Variants in WWP1 observed in about 807,000 individuals in gnomAD.
WWP1 encodes the protein NEDD4-like E3 ubiquitin-protein ligase WWP1.
WWP1 carries 49 observed loss-of-function variants against 130.6 expected under a neutral mutation model. The observed-to-expected ratio is 0.38, with a 90% CI of 0.30 to 0.48. WWP1 has a LOEUF of 0.48. WWP1 is among the 20% of genes least tolerant of loss of function. The pLI is 0.99. For missense variants in WWP1, 809 were observed against 1,100.6 expected, an observed-to-expected ratio of 0.74 and a Z score of 3.75; for synonymous variants, 332 against 367.8, an observed-to-expected ratio of 0.90 and a Z score of 1.11.
chr8:86,380,899 C>G (rs1248884859), intron 4 of WWP1, 35 bp downstream of exon 4: 3 of 1,541,050 alleles, frequency 1.9e-6, no homozygotes, highest in South Asian at 1.3e-5. Flanking sequence ...AAAATCTTCA[C>G]AAGAAAGTGT....
At chr8:86,465,923 T>C (rs1436457153) in intron 24 of WWP1, among the ~76,000 whole-genome samples, 4 of 152,172 alleles carry the variant, frequency 2.6e-5, no homozygotes, top group Non-Finnish European at 5.9e-5. Flanking sequence ...GGCTCTTTCC[T>C]GACTCTGACA....
intron 9 of WWP1, among the ~76,000 whole-genome samples, chr8:86,420,960 C>A (rs983267401): frequency 2.0e-5 from 3 of 152,092 alleles, no homozygotes; most frequent in African/African-American, 7.2e-5. Flanking sequence ...CTAAAAATAG[C>A]AAAAGTGAAA....
intron 10 of WWP1, among the ~76,000 whole-genome samples, chr8:86,426,965 A>G (rs1277285543): frequency 6.6e-6 from 1 of 152,088 alleles, no homozygotes; most frequent in Non-Finnish European, 1.5e-5. Flanking sequence ...GTTCGAGACC[A>G]TCCTGGCCAA....
chr8:86,411,457 G>C, intron 8 of WWP1, 81 bp from the exon 9 acceptor site: 1 of 1,278,448 alleles, frequency 7.8e-7, no homozygotes, highest in South Asian at 1.4e-5. Flanking sequence ...ATTAGGCTCT[G>C]AATAAGTGTA....
chr8:86,461,313 G>C lies in WWP1; in HGVS notation c.2589G>C (p.Glu863Asp). ...TCRLPLGGFAELMGSNGPQKF... is the reference protein window; with the variant it reads ...TCRLPLGGFADLMGSNGPQKF... The stretch of plus-strand genomic sequence containing the variant: ...GTTTACCTCTAGGAGGATTTGCTGA[G>C]CTCATGGGTAAATGTAATTTCACTG... Residue 863 changes from glutamate (E) to aspartate (D), a missense_variant, in exon 23 of 25, where the codon GAG becomes GAC. Physicochemically the swap from Glu to Asp is conservative, Grantham distance 45. Transcript: ENST00000517970. 6.2e-7 allele frequency: 1 copy of C among 1,613,542 alleles called. No homozygotes were observed.
intron 1 of WWP1, among the ~76,000 whole-genome samples, chr8:86,364,461 T>TGA (rs1224565480): frequency 6.6e-6 from 1 of 152,326 alleles, no homozygotes; most frequent in East Asian, 1.9e-4. Flanking sequence ...TACATGTTAA[T>TGA]GAGAGGTAAA....
At chr8:86,443,190 A>T (rs777463226) in intron 18 of WWP1, among the ~76,000 whole-genome samples, 4 of 152,168 alleles carry the variant, frequency 2.6e-5, no homozygotes, top group Non-Finnish European at 5.9e-5. Context: ...CTCCCACCTC[A>T]GCCTCCCAAG....
In WWP1 at chr8:86,448,418, T is replaced by A. The variant is rs1810998887; in HGVS notation, c.2178T>A (p.Val726=). ...GTGGCTTAGAAATGTACTTTTCTGTTGACATGGAGATTTTGGGAAAAGTTA... is the reference window on the plus strand; with the variant it reads ...GTGGCTTAGAAATGTACTTTTCTGTAGACATGGAGATTTTGGGAAAAGTTA... ...EECGLEMYFS[V]DMEILGKVTS... The change falls in exon 20 of 25, where the codon GTT becomes GTA. Residue 726 remains valine, a synonymous_variant. Transcript: ENST00000517970. The A allele has an allele frequency of 1.9e-6, 3 of 1,613,698 alleles. No homozygotes were observed. Among genetic ancestry groups the A allele is most frequent in the Non-Finnish European group, 2.5e-6 (3 of 1,179,886 alleles).
chr8:86,435,530 A>G lies in WWP1; in HGVS notation c.1677+3A>G, dbSNP rs1256339785. On this transcript the variant is annotated splice_donor_region_variant and intron_variant, in intron 15 of 24. Transcript: ENST00000517970. ...CTCACTTCCGTTATTTGTGCCAGGTACTATAGTGGTAAATAAATCTTATAC... is the reference window on the plus strand; with the variant it reads ...CTCACTTCCGTTATTTGTGCCAGGTGCTATAGTGGTAAATAAATCTTATAC... 6.2e-7 allele frequency: 1 copy of G among 1,614,108 alleles called. No individual in the cohort carries two copies.
intron 5 of WWP1, among the ~76,000 whole-genome samples, chr8:86,383,099 C>A (rs1379375002): frequency 1.3e-5 from 2 of 151,812 alleles, no homozygotes. Flanking sequence ...TTAGTATAAA[C>A]CATAATAATT....
At chr8:86,378,315 A>C (rs1374802694) in intron 3 of WWP1, among the ~76,000 whole-genome samples, 1 of 152,138 alleles carries the variant, frequency 6.6e-6, no homozygotes, top group Non-Finnish European at 1.5e-5. Flanking sequence ...CAAATCTAGG[A>C]ATATATCATA....
In WWP1 at chr8:86,461,831, C is replaced by T. The variant is rs1811783035; in HGVS notation, c.2654C>T (p.Pro885Leu). 2 of 1,613,480 alleles carry T rather than the reference C, an allele frequency of 1.2e-6. No individual in the cohort carries two copies. The highest frequency in any genetic ancestry group is 2.2e-5 in the East Asian group (1 of 44,826). The stretch of plus-strand genomic sequence containing the variant: ...AAAGTTGGCAAAGACACTTGGTTAC[C>T]AAGAAGCCATACATGGTAAGTTCAA... ...IEKVGKDTWLPRSHTCFNRLD... is the reference protein window; with the variant it reads ...IEKVGKDTWLLRSHTCFNRLD... Residue 885 changes from proline to leucine, a missense_variant, in exon 24 of 25, where the codon CCA becomes CTA. Pro to Leu is a moderately conservative substitution (Grantham distance 98, BLOSUM62 -3). Coordinates refer to ENST00000517970, the MANE Select transcript of WWP1 (RefSeq NM_007013.4).
intron 9 of WWP1, among the ~76,000 whole-genome samples, chr8:86,414,422 G>A (rs1808763292): frequency 6.6e-6 from 1 of 152,138 alleles, no homozygotes; most frequent in Admixed American, 6.5e-5. Flanking sequence ...AATATTTTAG[G>A]TTGACATAAG....
At position 86,411,803 on chromosome 8, in the gene WWP1, A is replaced by G; in HGVS notation, c.990A>G (p.Arg330=). 2 of 1,614,168 alleles carry G rather than the reference A, an allele frequency of 1.2e-6. No homozygotes were observed. Among genetic ancestry groups the G allele is most frequent in the Non-Finnish European group, 1.7e-6 (2 of 1,180,034 alleles). The stretch of plus-strand genomic sequence containing the variant: ...CTGCTTTTGAAGCAGCCAAATCAAG[A>G]CAGCCAGATGGGTGTATGGATCCTG... The part of the protein sequence containing the change: ...SSSAFEAAKS[R]QPDGCMDPVR... The change falls in exon 9 of 25, where the codon AGA becomes AGG. Residue 330 remains arginine, a synonymous_variant. Transcript: ENST00000517970.
intron 16 of WWP1, among the ~76,000 whole-genome samples, chr8:86,437,561 C>T (rs1272620328): frequency 6.6e-6 from 1 of 152,088 alleles, no homozygotes; most frequent in Non-Finnish European, 1.5e-5. Flanking sequence ...TTGTCATTAA[C>T]CCAAAATAGA....
intron 1 of WWP1, among the ~76,000 whole-genome samples, chr8:86,364,835 G>GAAAGAA (rs763835535): frequency 9.3e-6 from 1 of 107,334 alleles, no homozygotes; most frequent in Non-Finnish European, 2.2e-5. Context: ...AAGAAAGAAA[G>GAAAGAA]AGAGAGAGAG....
At chr8:86,362,017 T>TACACATATATATACAC (rs1563465268) in intron 1 of WWP1, among the ~76,000 whole-genome samples, 1 of 139,684 alleles carries the variant, frequency 7.2e-6, no homozygotes, top group Non-Finnish European at 1.5e-5. Flanking sequence ...CATATATATA[T>TACACATATATATACAC]ACACATATAT....
chr8:86,446,224 C>T lies in WWP1; in HGVS notation c.1999-1924C>T, dbSNP rs181437582. Among the ~76,000 whole-genome samples, 610 of 152,142 alleles carry T rather than the reference C, an allele frequency of 4.0e-3. 2 individuals carry two copies. The highest frequency in any genetic ancestry group is 9.9e-3 in the African/African-American group (411 of 41,520). On this transcript the variant is annotated intron_variant, in intron 18 of 24. Transcript: ENST00000517970. ...CTCGAACTCCTAACCTCAGGTGATC[C>T]GCCAACCTCGGCCTCCCCAAGTGCT...
Position 86,381,617 on chromosome 8 carries a change from C to T in WWP1, c.322C>T (p.His108Tyr). 6.3e-7 allele frequency: 1 copy of T among 1,588,486 alleles called. No individual in the cohort carries two copies. Among genetic ancestry groups the T allele is most frequent in the Non-Finnish European group, 8.5e-7 (1 of 1,172,996 alleles). Residue 108 changes from histidine (H) to tyrosine (Y), a missense_variant, in exon 5 of 25, where the codon CAC becomes TAC. By Grantham distance (83) the His-to-Tyr change is moderately conservative. Transcript: ENST00000517970. ...AGATTTGAAACAAGCTCTGTTGATA[C>T]ACAATAGAAAATGTAAGTTTTTTGT... ...TIDLKQALLI[H>Y]NRKLERVKEQ... is the part of the protein sequence containing the mutation.
Sources: gnomAD v4.1 joint callset for allele counts (sites outside exome capture counted in the v4.1 genomes callset) on GRCh38, gnomAD v4.1.1 for gene constraint, MANE v1.5 for transcripts, NCBI Gene and HGNC (gene_info 2026-07-23, HGNC 2026-07-21) for gene names.